Variants in DYNC2I1 observed in about 807,000 individuals in gnomAD.
DYNC2I1 encodes dynein 2 intermediate chain 1, also known as cytoplasmic dynein 2 intermediate chain 1.
A neutral mutation model predicts 133.4 loss-of-function variants in DYNC2I1; 89 were observed. The observed-to-expected ratio is 0.67, with a 90% CI of 0.56 to 0.80. The LOEUF is 0.80. Among genes scored for constraint, DYNC2I1 ranks in the 30% least tolerant of loss-of-function variants. The probability of loss-of-function intolerance (pLI) is 0.00; values close to 1 mark genes in which losing one functional copy is unlikely to be tolerated. For missense variants in DYNC2I1, 1,291 were observed against 1,314.5 expected (o/e 0.98, Z 0.28); for synonymous variants, 504 against 484.3 (o/e 1.04, Z -0.54).
chr7:158,908,524 A>C (rs1847068530), intron 11 of DYNC2I1, among the ~76,000 whole-genome samples: 1 of 152,254 alleles, frequency 6.6e-6, no homozygotes, highest in African/African-American at 2.4e-5. Context: ...ATGTTTTTAT[A>C]ATTTAATAAG....
chr7:158,915,876 G>T (rs1271305523), intron 14 of DYNC2I1, among the ~76,000 whole-genome samples: 2 of 138,270 alleles, frequency 1.4e-5, no homozygotes, highest in South Asian at 4.4e-4. Context: ...GTGAAACGTC[G>T]ACACGCTGGT....
At chr7:158,866,280 C>T (rs1289671042) in intron 1 of DYNC2I1, among the ~76,000 whole-genome samples, 3 of 151,728 alleles carry the variant, frequency 2.0e-5, no homozygotes, top group African/African-American at 7.3e-5. Flanking sequence ...CTCTGTGGTG[C>T]CCATGTCTCC....
chr7:158,909,931 C>T (rs117151124), intron 11 of DYNC2I1, among the ~76,000 whole-genome samples: 1 of 152,020 alleles, frequency 6.6e-6, no homozygotes, highest in Admixed American at 6.6e-5. Context: ...CAGGGCAGAC[C>T]TGGAGGAGTG....
chr7:158,942,949 C>A (rs1043636337), intron 24 of DYNC2I1, among the ~76,000 whole-genome samples: 1 of 152,164 alleles, frequency 6.6e-6, no homozygotes, highest in South Asian at 2.1e-4. Flanking sequence ...CGAAAGCTTT[C>A]GTCATGAGGT....
rs773279398 is a variant in DYNC2I1 at position 158,942,107 on chromosome 7, C to T, written c.2961C>T (p.Ser987=). Residue 987 remains serine, a synonymous_variant, in exon 24 of 25, where the codon AGC becomes AGT. Coordinates refer to ENST00000407559, the MANE Select transcript of DYNC2I1 (RefSeq NM_018051.5). ...TCTACATCTGGGACCTCCTCCAGAG[C>T]GATCTGGGTCCTGTCGCCAAACAGC... ...SNIYIWDLLQ[S]DLGPVAKQQV... The T allele has an allele frequency of 1.1e-5, 17 of 1,588,010 alleles. No individual in the cohort carries two copies. Among genetic ancestry groups the T allele is most frequent in the Non-Finnish European group, 1.2e-5 (14 of 1,164,740 alleles).
At chr7:158,916,525 C>G (rs879419942) in intron 14 of DYNC2I1, among the ~76,000 whole-genome samples, 2 of 54,954 alleles carry the variant, frequency 3.6e-5, no homozygotes, top group African/African-American at 1.3e-4. Flanking sequence ...CGTCTACACG[C>G]TGGTTGACAT....
At chr7:158,846,518 G>T in the DYNC2I1 span, among the ~76,000 whole-genome samples, 50 of 152,078 alleles carry the variant, frequency 3.3e-4, no homozygotes, top group Middle Eastern at 3.4e-3. Flanking sequence ...AGTAAAAAAA[G>T]GAATTTTTTA....
rs186548146 is a variant in DYNC2I1, at chr7:158,912,424, G to C, written c.1591-561G>C. Among the ~76,000 whole-genome samples the C allele has an allele frequency of 2.8e-3, 434 of 152,284 alleles. 2 individuals carry two copies. The highest frequency in any genetic ancestry group is 0.01 in the African/African-American group (421 of 41,552). On this transcript the variant is annotated intron_variant, in intron 12 of 24. Coordinates refer to ENST00000407559, the MANE Select transcript of DYNC2I1 (RefSeq NM_018051.5). ...AGGAGGAAGGTCACGGGATGAAGCT[G>C]AAGAAGCTGATGGCTTTTACAATTT... is the stretch of plus-strand genomic sequence containing the variant.
At chr7:158,922,245 A>T (rs540227362) in intron 15 of DYNC2I1, 132 bp from the exon 16 acceptor site, 3 of 796,224 alleles carry the variant, frequency 3.8e-6, no homozygotes, top group Non-Finnish European at 6.0e-6. Flanking sequence ...CGTTTCATGT[A>T]TGTTGGTTTC....
chr7:158,952,831 G>T (rs912845438), intron 4 of DYNC2I1, among the ~76,000 whole-genome samples: 3 of 123,504 alleles, frequency 2.4e-5, no homozygotes. Context: ...GGCTCAGCCT[G>T]AGGGGACTCT....
At chr7:158,863,063 G>A (rs1842008736) in intron 1 of DYNC2I1, among the ~76,000 whole-genome samples, 1 of 145,844 alleles carries the variant, frequency 6.9e-6, no homozygotes, top group South Asian at 2.3e-4. Flanking sequence ...GAAGAACAAA[G>A]CACAAAGCTT....
At chr7:158,901,674 A>T in intron 8 of DYNC2I1, 65 bp from the exon 9 acceptor site, 13 of 1,009,290 alleles carry the variant, frequency 1.3e-5, no homozygotes, top group Non-Finnish European at 1.9e-5. Context: ...TGTTTTCCCA[A>T]TCTATTTGCA....
intron 13 of DYNC2I1, 83 bp downstream of exon 13, chr7:158,913,179 C>T (rs941161579): frequency 2.2e-5 from 24 of 1,067,228 alleles, no homozygotes; most frequent in Non-Finnish European, 2.8e-5. Flanking sequence ...CTTTCTGGTT[C>T]ACTTTCATTT....
intron 1 of DYNC2I1, among the ~76,000 whole-genome samples, chr7:158,864,720 G>C (rs1842247480): frequency 6.6e-6 from 1 of 151,918 alleles, no homozygotes; most frequent in Non-Finnish European, 1.5e-5. Context: ...TGCCCTGGCT[G>C]GTCTTGAACT....
the DYNC2I1 span, among the ~76,000 whole-genome samples, chr7:158,850,870 GGA>G: frequency 6.6e-6 from 1 of 151,994 alleles, no homozygotes; most frequent in African/African-American, 2.4e-5. Flanking sequence ...TTTTAAGTAG[GGA>G]ACCTCTTTTT....
intron 12 of DYNC2I1, among the ~76,000 whole-genome samples, chr7:158,912,429 AGCTGATG>A (rs1171921188): frequency 1.3e-5 from 2 of 152,208 alleles, no homozygotes; most frequent in Non-Finnish European, 2.9e-5. Context: ...AAGCTGAAGA[AGCTGATG>A]GCTTTTACAA....
chr7:158,946,017 C>T lies in DYNC2I1; in HGVS notation c.*238C>T. On this transcript the variant is annotated 3_prime_UTR_variant, in exon 25 of 25. Coordinates refer to ENST00000407559, the MANE Select transcript of DYNC2I1 (RefSeq NM_018051.5). ...TTCCAGGGGAATGTAGAGCCACGTC[C>T]AGGGTGCTCTTTTCTGAGAGTATTT... The T allele has an allele frequency of 5.2e-6, 2 of 381,072 alleles. No homozygotes were observed. Among genetic ancestry groups the T allele is most frequent in the Non-Finnish European group, 9.2e-6 (2 of 218,322 alleles). The allele number at this position is 381,072 out of a possible 1,614,324, so 23.6% of individuals were successfully genotyped here. A position where few individuals can be genotyped will look rare whatever the true frequency, so the allele number is the denominator to read the frequency against.
chr7:158,934,069 ATCATTATTCTTAAG>A (rs1850498887), intron 21 of DYNC2I1, 46 bp from the exon 22 acceptor site: 9 of 1,185,714 alleles, frequency 7.6e-6, no homozygotes, highest in African/African-American at 3.1e-5. Flanking sequence ...TGTTAATACC[ATCATTATTCTTAAG>A]GTTGGAAACA....
chr7:158,918,815 C>T lies in DYNC2I1; in HGVS notation c.1867C>T (p.Leu623=), dbSNP rs1334781471. ...SWNLRAQDRA[L]YFSDSSSQLN... ...GAATCTTAGGGCTCAAGACAGGGCC[C>T]TGTATTTTAGTGACAGCTCATCTCA... The change falls in exon 15 of 25, where the codon CTG becomes TTG. Residue 623 remains leucine, a synonymous_variant. Coordinates refer to ENST00000407559, the MANE Select transcript of DYNC2I1 (RefSeq NM_018051.5). 1.9e-6 allele frequency: 3 copies of T among 1,613,778 alleles called. No homozygotes were observed. Among genetic ancestry groups the T allele is most frequent in the African/African-American group, 2.7e-5 (2 of 74,928 alleles).
Sources: gnomAD v4.1 joint callset for allele counts (sites outside exome capture counted in the v4.1 genomes callset) on GRCh38, gnomAD v4.1.1 for gene constraint, MANE v1.5 for transcripts, NCBI Gene and HGNC (gene_info 2026-07-23, HGNC 2026-07-21) for gene names.